The following GCNT1 variants were observed in gnomAD, a reference collection of about 807,000 sequenced individuals.
GCNT1 encodes beta-1,3-galactosyl-O-glycosyl-glycoprotein beta-1,6-N-acetylglucosaminyltransferase.
Under a neutral mutation model 26.2 loss-of-function variants are expected in GCNT1, and 16 were observed. The observed-to-expected ratio is 0.61, with a 90% confidence interval of 0.41 to 0.93. GCNT1 has a LOEUF of 0.93. Ranked by LOEUF, GCNT1 falls within the 40% of genes least tolerant of loss-of-function variation. The pLI is 0.00. For missense variants in GCNT1, 477 were observed against 526.7 expected, an observed-to-expected ratio of 0.91 and a Z score of 0.92; for synonymous variants, 183 against 190.8, an observed-to-expected ratio of 0.96 and a Z score of 0.34.
At chr9:76,394,776 G>A in the GCNT1 span, among the ~76,000 whole-genome samples, 1 of 152,152 alleles carries the variant, frequency 6.6e-6, no homozygotes, top group Non-Finnish European at 1.5e-5. Context: ...CAATCCGGAA[G>A]CCAAAGTGAG....
At chr9:76,416,208 C>T (rs1055740960), upstream of GCNT1, among the ~76,000 whole-genome samples, 1 of 152,140 alleles carries the variant, frequency 6.6e-6, no homozygotes, top group Admixed American at 6.5e-5. Context: ...AAGCATCTGA[C>T]TGTCGAGATG....
At chr9:76,478,017 A>G (rs1824295362) in intron 2 of GCNT1, among the ~76,000 whole-genome samples, 1 of 152,146 alleles carries the variant, frequency 6.6e-6, no homozygotes, top group Non-Finnish European at 1.5e-5. Context: ...AGCACTCTGT[A>G]AAAATGCACC....
chr9:76,456,001 T>TGA (rs1220487292), upstream of GCNT1, among the ~76,000 whole-genome samples: 3 of 152,232 alleles, frequency 2.0e-5, no homozygotes, highest in Admixed American at 1.3e-4. Context: ...CAGCTGTGTT[T>TGA]ATCAGACACT....
rs369868698 is a variant in GCNT1, at chr9:76,498,674, GA to G, written c.-289-2240del. On this transcript the variant is annotated intron_variant, in intron 2 of 3. Transcript: ENST00000376730. ...TGTAATCCCAGCTACTTGGGAGGCT[GA>G]AGCAGGAGAATTGCTTGAACCCGGG... Among the ~76,000 whole-genome samples, 92 of 151,510 alleles carry G rather than the reference GA, an allele frequency of 6.1e-4. No homozygotes were observed. The East Asian group carries it at 0.017, about 28-fold the overall frequency.
chr9:76,496,322 C>G (rs1384512007), intron 2 of GCNT1, among the ~76,000 whole-genome samples: 1 of 152,218 alleles, frequency 6.6e-6, no homozygotes, highest in Non-Finnish European at 1.5e-5. Context: ...CATCATTCTC[C>G]GCATCCCCCC....
intron 2 of GCNT1, among the ~76,000 whole-genome samples, chr9:76,490,425 T>C (rs1162284712): frequency 1.3e-5 from 2 of 152,344 alleles, no homozygotes; most frequent in South Asian, 2.1e-4. Context: ...CCTGTAGCAG[T>C]GGCCATTTCT....
intron 1 of GCNT1, among the ~76,000 whole-genome samples, chr9:76,452,464 A>G (rs962969174): frequency 1.4e-4 from 21 of 152,326 alleles, no homozygotes; most frequent in African/African-American, 5.1e-4. Context: ...TGGGTAATTT[A>G]TAAAGAAAAG....
chr9:76,423,926 T>G (rs2131572592), intron 1 of GCNT1, among the ~76,000 whole-genome samples: 1 of 152,316 alleles, frequency 6.6e-6, no homozygotes, highest in African/African-American at 2.4e-5. Context: ...CCTGACAGAG[T>G]TGGTTCACAG....
At chr9:76,394,192 T>C in the GCNT1 span, 6 of 1,570,284 alleles carry the variant, frequency 3.8e-6, no homozygotes, top group Non-Finnish European at 5.2e-6. Flanking sequence ...GCTCGGGGAA[T>C]GGGCTGCGGC....
At chr9:76,492,158 G>A (rs1455379236) in intron 2 of GCNT1, among the ~76,000 whole-genome samples, 4 of 152,174 alleles carry the variant, frequency 2.6e-5, no homozygotes. Flanking sequence ...TGTCCTGTGG[G>A]AAGGCTTAAG....
At chr9:76,450,170 G>C (rs1019726958) in intron 1 of GCNT1, among the ~76,000 whole-genome samples, 2 of 152,154 alleles carry the variant, frequency 1.3e-5, no homozygotes, top group East Asian at 3.8e-4. Context: ...CCCACCCTAT[G>C]AAAATACCAG....
intron 1 of GCNT1, among the ~76,000 whole-genome samples, chr9:76,448,323 G>A (rs997095604): frequency 1.1e-4 from 16 of 152,022 alleles, no homozygotes; most frequent in African/African-American, 1.7e-4. Flanking sequence ...GTGGTGGCAC[G>A]TACCTGTAGT....
chr9:76,418,256 G>T (rs1419822692), upstream of GCNT1, among the ~76,000 whole-genome samples: 1 of 152,122 alleles, frequency 6.6e-6, no homozygotes, highest in Non-Finnish European at 1.5e-5. Flanking sequence ...AAGAGGTTGT[G>T]GAAACCAAAG....
At position 76,428,292 on chromosome 9, in the gene GCNT1, T is replaced by TAAAAAAAAAAAAA. The variant is rs1279001629; in HGVS notation, n.38+8416_38+8417insAAAAAAAAAAAAA. Among the ~76,000 whole-genome samples, 254 of 85,856 alleles carry TAAAAAAAAAAAAA rather than the reference T, an allele frequency of 3.0e-3. 9 individuals are homozygous for TAAAAAAAAAAAAA. Among genetic ancestry groups the TAAAAAAAAAAAAA allele is most frequent in the Non-Finnish European group, 4.0e-3 (154 of 38,766 alleles). 56.3% of individuals were successfully genotyped at this position (85,856 alleles called of 152,430 possible). ...AAAAAAAAAAAAAAAAAAAAAAACT[T>TAAAAAAAAAAAAA]AAAAAAAAAAAGAGAGAGAGAAATG... On this transcript the variant is annotated intron_variant and non_coding_transcript_variant, in intron 1 of 3. Transcript: ENST00000488136.
chr9:76,429,715 CTTTTT>C (rs59977325), intron 1 of GCNT1, among the ~76,000 whole-genome samples: 2 of 107,090 alleles, frequency 1.9e-5, no homozygotes, highest in Admixed American at 9.4e-5. Flanking sequence ...TGTTTTCTTT[CTTTTT>C]TTTTTTTTTT....
the GCNT1 span, chr9:76,394,444 TG>T: frequency 9.3e-6 from 3 of 323,728 alleles, no homozygotes; most frequent in South Asian, 6.1e-5. Context: ...GTGAGCGGGG[TG>T]GGGGGAGGGG....
At chr9:76,404,852 C>T in the GCNT1 span, among the ~76,000 whole-genome samples, 6 of 151,000 alleles carry the variant, frequency 4.0e-5, no homozygotes, top group African/African-American at 1.2e-4. Context: ...GAGTCTTGCT[C>T]TGTGGCCCAG....
At chr9:76,497,419 T>TTCGAA (rs1241566383) in intron 2 of GCNT1, among the ~76,000 whole-genome samples, 2 of 152,216 alleles carry the variant, frequency 1.3e-5, no homozygotes, top group African/African-American at 4.8e-5. Context: ...TTACAATTCC[T>TTCGAA]TCGAATGATT....
the GCNT1 span, among the ~76,000 whole-genome samples, chr9:76,408,091 T>C: frequency 6.6e-6 from 1 of 152,218 alleles, no homozygotes; most frequent in African/African-American, 2.4e-5. Flanking sequence ...ACAGCTTTAC[T>C]TCTTCCTTCT....
Sources: gnomAD v4.1 joint callset for allele counts (sites outside exome capture counted in the v4.1 genomes callset) on GRCh38, gnomAD v4.1.1 for gene constraint, MANE v1.5 for transcripts, NCBI Gene and HGNC (gene_info 2026-07-23, HGNC 2026-07-21) for gene names.